Variants in KCNB2 observed in about 807,000 individuals in gnomAD.
KCNB2 encodes the protein delayed rectifier potassium channel protein.
Under a neutral mutation model 61.5 loss-of-function variants are expected in KCNB2, and 15 were observed. The observed-to-expected ratio is 0.24, with a 90% CI of 0.16 to 0.38. KCNB2 has a LOEUF of 0.38. Ranked by LOEUF, KCNB2 falls within the 10% of genes least tolerant of loss-of-function variation. The probability of loss-of-function intolerance (pLI) is 1.00; values close to 1 mark genes in which losing one functional copy is unlikely to be tolerated. For missense variants in KCNB2, 828 were observed against 1,125.2 expected, an observed-to-expected ratio of 0.74 and a Z score of 3.78; for synonymous variants, 457 against 446.0, an observed-to-expected ratio of 1.02 and a Z score of -0.31.
chr8:72,768,326 AC>A (rs1808494341), intron 2 of KCNB2, among the ~76,000 whole-genome samples: 1 of 151,866 alleles, frequency 6.6e-6, no homozygotes, highest in Non-Finnish European at 1.5e-5. Flanking sequence ...GGCATGCACC[AC>A]CATTGCCCAG....
chr8:72,891,572 A>G (rs1805896447), intron 2 of KCNB2, among the ~76,000 whole-genome samples: 1 of 152,240 alleles, frequency 6.6e-6, no homozygotes, highest in South Asian at 2.1e-4. Context: ...CCAAAAATTT[A>G]GGCACCCTGG....
chr8:72,783,764 GA>G (rs1808803034), intron 2 of KCNB2, among the ~76,000 whole-genome samples: 2 of 152,138 alleles, frequency 1.3e-5, no homozygotes, highest in Non-Finnish European at 2.9e-5. Context: ...TAGCCATTTG[GA>G]TGAATGAGAA....
At chr8:72,861,815 C>CTGTAAAATGGGG (rs1157088773) in intron 2 of KCNB2, among the ~76,000 whole-genome samples, 1 of 152,170 alleles carries the variant, frequency 6.6e-6, no homozygotes, top group East Asian at 1.9e-4. Flanking sequence ...CCTAATGTCC[C>CTGTAAAATGGGG]ATGAATCCTC....
intron 2 of KCNB2, among the ~76,000 whole-genome samples, chr8:72,851,449 A>C (rs561913435): frequency 6.6e-6 from 1 of 152,300 alleles, no homozygotes; most frequent in South Asian, 2.1e-4. Context: ...ATGAATTTTG[A>C]TGTGGAGAAT....
intron 2 of KCNB2, among the ~76,000 whole-genome samples, chr8:72,725,374 T>C (rs1229672858): frequency 6.6e-6 from 1 of 151,572 alleles, no homozygotes; most frequent in Non-Finnish European, 1.5e-5. Flanking sequence ...TAGGGCCAAG[T>C]GAAAGTCAAA....
chr8:72,829,535 T>C (rs1383844189), intron 2 of KCNB2, among the ~76,000 whole-genome samples: 1 of 152,204 alleles, frequency 6.6e-6, no homozygotes, highest in Non-Finnish European at 1.5e-5. Context: ...AGAAATATTT[T>C]CTCGTAAGTT....
intron 2 of KCNB2, among the ~76,000 whole-genome samples, chr8:72,859,167 G>A (rs1325556500): frequency 6.6e-6 from 1 of 152,084 alleles, no homozygotes; most frequent in Non-Finnish European, 1.5e-5. Context: ...GGGCCCCTAT[G>A]AGGAAGAAAA....
chr8:72,642,811 G>A (rs1806077413), intron 2 of KCNB2, among the ~76,000 whole-genome samples: 1 of 152,112 alleles, frequency 6.6e-6, no homozygotes, highest in Admixed American at 6.6e-5. Context: ...GCTTTGGTTT[G>A]TGTAATCTTT....
intron 2 of KCNB2, among the ~76,000 whole-genome samples, chr8:72,846,722 C>A (rs1255735747): frequency 6.6e-6 from 1 of 152,074 alleles, no homozygotes; most frequent in Non-Finnish European, 1.5e-5. Flanking sequence ...CATCCCACAC[C>A]AATTAGAATG....
At position 72,936,763 on chromosome 8, in the gene KCNB2, G is replaced by C. The variant is rs1490497911; in HGVS notation, c.1408G>C (p.Glu470Gln). 2 of 1,614,064 alleles carry C rather than the reference G, an allele frequency of 1.2e-6. No homozygotes were observed. The highest frequency in any genetic ancestry group is 1.7e-6 in the Non-Finnish European group (2 of 1,180,034). Reference sequence around the variant, plus strand: ...TATGGAACTGATAGATGTGGCTGTTGAGAAGGCCGGAGAGTCCGCCAACAC... The same window carrying C: ...TATGGAACTGATAGATGTGGCTGTTCAGAAGGCCGGAGAGTCCGCCAACAC... ...RSMELIDVAV[E>Q]KAGESANTKD... is the part of the protein sequence containing the mutation. The change falls in exon 3 of 3, where the codon GAG becomes CAG. Residue 470 changes from glutamate (E) to glutamine (Q), a missense_variant. Glu to Gln is a conservative substitution (Grantham distance 29, BLOSUM62 2). Coordinates refer to ENST00000523207, the MANE Select transcript of KCNB2 (RefSeq NM_004770.3). The surrounding 1 kb of genome is among the most constrained non-coding windows in gnomAD (Gnocchi z 5.6).
At chr8:72,569,596 G>A (rs1806679172) in intron 2 of KCNB2, among the ~76,000 whole-genome samples, 1 of 151,676 alleles carries the variant, frequency 6.6e-6, no homozygotes, top group South Asian at 2.1e-4. Context: ...AGGTTTTTTT[G>A]TAGTTTTGGA....
At chr8:72,840,007 C>G (rs1585923580) in intron 2 of KCNB2, among the ~76,000 whole-genome samples, 2 of 152,042 alleles carry the variant, frequency 1.3e-5, no homozygotes, top group African/African-American at 4.8e-5. Context: ...GTTTGCTGCA[C>G]TCATCAACCC....
chr8:72,544,847 T>C (rs942367785), intron 1 of KCNB2, among the ~76,000 whole-genome samples: 2 of 152,156 alleles, frequency 1.3e-5, no homozygotes, highest in Admixed American at 6.5e-5. Flanking sequence ...GCTCTCTGCA[T>C]CCAGCTGACA....
At chr8:72,841,881 A>G (rs538127636) in intron 2 of KCNB2, among the ~76,000 whole-genome samples, 2 of 152,316 alleles carry the variant, frequency 1.3e-5, no homozygotes, top group South Asian at 4.1e-4. Flanking sequence ...GCAAACAGAG[A>G]CAATATGACT....
intron 2 of KCNB2, among the ~76,000 whole-genome samples, chr8:72,813,005 T>C (rs958928044): frequency 1.3e-5 from 2 of 152,286 alleles, no homozygotes; most frequent in Admixed American, 6.5e-5. Context: ...GCAAACTTGA[T>C]TGATTGCCTG....
At chr8:72,701,228 A>T (rs2128991026) in intron 2 of KCNB2, among the ~76,000 whole-genome samples, 1 of 152,304 alleles carries the variant, frequency 6.6e-6, no homozygotes, top group Non-Finnish European at 1.5e-5. Flanking sequence ...CTAAAATAAA[A>T]GTTAAAATTA....
At chr8:72,589,967 A>G (rs1190711078) in intron 2 of KCNB2, among the ~76,000 whole-genome samples, 3 of 152,168 alleles carry the variant, frequency 2.0e-5, no homozygotes, top group Admixed American at 6.5e-5. Context: ...CTTTTATATT[A>G]TAGCTCATTA....
chr8:72,894,526 TTG>T (rs1805955491), intron 2 of KCNB2, among the ~76,000 whole-genome samples: 1 of 152,204 alleles, frequency 6.6e-6, no homozygotes, highest in Non-Finnish European at 1.5e-5. Flanking sequence ...AGACAATGAA[TTG>T]TGTGTTGATT....
intron 2 of KCNB2, among the ~76,000 whole-genome samples, chr8:72,864,282 C>T (rs1289208647): frequency 1.3e-5 from 2 of 152,182 alleles, no homozygotes; most frequent in African/African-American, 4.8e-5. Flanking sequence ...AGTGTCCACC[C>T]AGAAGACAAT....
Sources: gnomAD v4.1 joint callset for allele counts (sites outside exome capture counted in the v4.1 genomes callset) on GRCh38, gnomAD v4.1.1 for gene constraint, Gnocchi (gnomAD v3.1) non-coding constraint, MANE v1.5 for transcripts, NCBI Gene and HGNC (gene_info 2026-07-23, HGNC 2026-07-21) for gene names.